Variants in NGB observed in about 807,000 individuals in gnomAD.
NGB encodes the protein nitrite reductase.
Under a neutral mutation model 17.3 loss-of-function variants are expected in NGB, and 12 were observed. The observed-to-expected ratio is 0.69, with a 90% confidence interval of 0.45 to 1.13. NGB has a LOEUF of 1.13. Among genes scored for constraint, NGB ranks in the 50% most tolerant of loss-of-function variants. NGB has a pLI of 0.00. For missense variants in NGB, 195 were observed against 191.7 expected (o/e 1.02, Z -0.10); for synonymous variants, 87 against 81.0 (o/e 1.07, Z -0.40).
intron 3 of NGB, 52 bp from the exon 4 acceptor site, chr14:77,266,722 C>T: frequency 6.3e-7 from 1 of 1,595,588 alleles, no homozygotes; most frequent in East Asian, 2.2e-5. Flanking sequence ...AGGCACTGCT[C>T]CATTCCACAG....
intron 3 of NGB, among the ~76,000 whole-genome samples, chr14:77,267,265 G>A (rs1889686155): frequency 6.6e-6 from 1 of 152,216 alleles, no homozygotes; most frequent in East Asian, 1.9e-4. Context: ...AATAGGCCAG[G>A]TGCAGTAGCT....
At position 77,268,461 on chromosome 14, in the gene NGB, C is replaced by T. The variant is rs1889703046; in HGVS notation, c.321+5G>A. 1 of 1,610,320 alleles carries T rather than the reference C, an allele frequency of 6.2e-7. No homozygotes were observed. Among genetic ancestry groups the T allele is most frequent in the Non-Finnish European group, 8.5e-7 (1 of 1,179,668 alleles). On this transcript the variant is annotated splice_donor_5th_base_variant and intron_variant, in intron 3 of 3. Transcript: ENST00000298352. ...TCTGGAGAGAGTCAGAGCTCCTTTA[C>T]CCACCGAGAAGGAGCTGAGCTTCAC...
chr14:77,270,875 C>T lies in NGB; in HGVS notation c.63G>A (p.Leu21=), dbSNP rs886695630. Residue 21 remains leucine (L), a synonymous_variant, in exon 1 of 4, where the codon CTG becomes CTA. Transcript: ENST00000298352. ...TGGCAAACAGGACGGTGCCGTGCTC[C>T]AGCGGGCTGCGGCTCACTGCCCGCC... The part of the protein sequence containing the change: ...QSWRAVSRSP[L]EHGTVLFARL... The T allele has an allele frequency of 1.3e-6, 2 of 1,586,014 alleles. No individual in the cohort carries two copies. Among genetic ancestry groups the T allele is most frequent in the Admixed American group, 1.7e-5 (1 of 59,184 alleles).
chr14:77,269,472 C>T lies in NGB; in HGVS notation c.90-146G>A, dbSNP rs2140143396. ...GCTGACTCTCCCACCTGGCACTGCTCCCCCGCCAGCTTCGGTAGTGCCCTC... is the reference window on the plus strand; with the variant it reads ...GCTGACTCTCCCACCTGGCACTGCTTCCCCGCCAGCTTCGGTAGTGCCCTC... On this transcript the variant is annotated intron_variant, in intron 1 of 3. Transcript: ENST00000298352. 5.1e-6 allele frequency: 3 copies of T among 593,232 alleles called. 1 individual carries two copies. Among genetic ancestry groups the T allele is most frequent in the South Asian group, 3.7e-5 (2 of 53,708 alleles). 36.7% of individuals were successfully genotyped at this position (593,232 alleles called of 1,614,324 possible). A position where few individuals can be genotyped will look rare whatever the true frequency, so the allele number is the denominator to read the frequency against.
intron 1 of NGB, among the ~76,000 whole-genome samples, chr14:77,270,046 G>C (rs1168998801): frequency 6.6e-6 from 1 of 151,896 alleles, no homozygotes; most frequent in Non-Finnish European, 1.5e-5. Flanking sequence ...GCCCTCCTCG[G>C]CATTTGGGAG....
At chr14:77,266,926 G>A (rs982397700) in intron 3 of NGB, among the ~76,000 whole-genome samples, 1 of 152,214 alleles carries the variant, frequency 6.6e-6, no homozygotes, top group Non-Finnish European at 1.5e-5. Context: ...CACCCCATGA[G>A]TGGGGCCAAG....
At chr14:77,266,775 T>C (rs200991939) in intron 3 of NGB, 105 bp from the exon 4 acceptor site, 3 of 773,854 alleles carry the variant, frequency 3.9e-6, no homozygotes, top group Admixed American at 5.9e-5. Context: ...CTCCTGGGCC[T>C]TTTTTCCTCT....
chr14:77,271,037 C>A lies in NGB; in HGVS notation c.-100G>T. 1.2e-5 allele frequency: 10 copies of A among 840,322 alleles called. No individual in the cohort carries two copies. Among genetic ancestry groups the A allele is most frequent in the Non-Finnish European group, 1.7e-5 (10 of 579,568 alleles). The allele number at this position is 840,322 out of a possible 1,614,324, so 52.1% of individuals were successfully genotyped here. On this transcript the variant is annotated 5_prime_UTR_variant, in exon 1 of 4. Coordinates refer to ENST00000298352, the MANE Select transcript of NGB (RefSeq NM_021257.4). ...CTCCTCCGCGACGCGGTCCCCTCCG[C>A]CCCTCGTACGCCCCCCGTGCCTCCG...
chr14:77,269,883 T>TGGGTA (rs1889743200), intron 1 of NGB, among the ~76,000 whole-genome samples: 1 of 127,646 alleles, frequency 7.8e-6, no homozygotes, highest in South Asian at 2.8e-4. Flanking sequence ...TCCTAAGCAG[T>TGGGTA]GGGTACAACT....
In NGB at chr14:77,269,102, G is replaced by A. The variant is rs550521915; in HGVS notation, c.201+113C>T. 3.9e-4 allele frequency: 265 copies of A among 679,732 alleles called. 1 individual carries two copies. The Middle Eastern group carries it at 6.2e-3, about 16-fold the overall frequency. The allele number at this position is 679,732 out of a possible 1,614,324, so 42.1% of individuals were successfully genotyped here. A position where few individuals can be genotyped will look rare whatever the true frequency, so the allele number is the denominator to read the frequency against. The stretch of plus-strand genomic sequence containing the variant: ...GAAAGGAGCTGTACCCTGCTTGGGG[G>A]AACTGGAAGGGAGTAAGACTAGACC... On this transcript the variant is annotated intron_variant, in intron 2 of 3. Transcript: ENST00000298352.
Position 77,266,380 on chromosome 14 carries a change from C to G in NGB, c.*156G>C, listed in dbSNP as rs2140141729. On this transcript the variant is annotated 3_prime_UTR_variant, in exon 4 of 4. Coordinates refer to ENST00000298352, the MANE Select transcript of NGB (RefSeq NM_021257.4). Reference sequence around the variant, plus strand: ...AAGCCACTCCTTCTGCAGCTGGACTCTAGGATACTGAGACCCAGCCCTGCC... The same window carrying G: ...AAGCCACTCCTTCTGCAGCTGGACTGTAGGATACTGAGACCCAGCCCTGCC... 1 of 1,036,708 alleles carries G rather than the reference C, an allele frequency of 9.6e-7. No homozygotes were observed. The highest frequency in any genetic ancestry group is 1.6e-5 in the African/African-American group (1 of 64,004). 64.2% of individuals were successfully genotyped at this position (1,036,708 alleles called of 1,614,324 possible).
rs1363274966 is a variant in NGB, at chr14:77,266,459, T to G, written c.*77A>C. On this transcript the variant is annotated 3_prime_UTR_variant, in exon 4 of 4. Transcript: ENST00000298352. The stretch of plus-strand genomic sequence containing the variant: ...ACAAGGACCAAGATGCAGGGAAGCT[T>G]GGGGAGCCTGGGCTACAACAGATAC... The G allele has an allele frequency of 1.9e-6, 3 of 1,565,160 alleles. No homozygotes were observed. In the East Asian group the frequency reaches 6.8e-5, roughly 35 times the overall value.
Position 77,266,357 on chromosome 14 carries a change from G to A in NGB, c.*179C>T. ...CCAGAAGCCCCTTCCTGGAGGAAAA[G>A]CCACTCCTTCTGCAGCTGGACTCTA... On this transcript the variant is annotated 3_prime_UTR_variant, in exon 4 of 4. Coordinates refer to ENST00000298352, the MANE Select transcript of NGB (RefSeq NM_021257.4). 1.1e-6 allele frequency: 1 copy of A among 880,378 alleles called. No individual in the cohort carries two copies. The highest frequency in any genetic ancestry group is 2.0e-6 in the Non-Finnish European group (1 of 511,772). The allele number at this position is 880,378 out of a possible 1,614,324, so 54.5% of individuals were successfully genotyped here.
chr14:77,266,300 C>T lies in NGB; in HGVS notation c.*236G>A. 1 of 761,946 alleles carries T rather than the reference C, an allele frequency of 1.3e-6. No individual in the cohort carries two copies. The highest frequency in any genetic ancestry group is 2.5e-6 in the Non-Finnish European group (1 of 407,458). The allele number at this position is 761,946 out of a possible 1,614,324, so 47.2% of individuals were successfully genotyped here. On this transcript the variant is annotated 3_prime_UTR_variant, in exon 4 of 4. Transcript: ENST00000298352. ...GTGCCAAAAAAGGTAAAAAGAAACG[C>T]AAGAAAGAGGCTACTGGGGATGAGG...
At chr14:77,270,793 C>A in intron 1 of NGB, 56 bp downstream of exon 1, 1 of 1,423,242 alleles carries the variant, frequency 7.0e-7, no homozygotes, top group Non-Finnish European at 9.6e-7. Flanking sequence ...CCGCGTGACC[C>A]CTTTCCCGCC....
At chr14:77,270,490 A>T (rs975931857) in intron 1 of NGB, among the ~76,000 whole-genome samples, 1 of 152,174 alleles carries the variant, frequency 6.6e-6, no homozygotes, top group African/African-American at 2.4e-5. Flanking sequence ...GCACCCCTGC[A>T]GTCGCTACCT....
Position 77,266,327 on chromosome 14 carries a change from G to A in NGB, c.*209C>T, listed in dbSNP as rs1351158484. 4 of 791,492 alleles carry A rather than the reference G, an allele frequency of 5.1e-6. No homozygotes were observed. Among genetic ancestry groups the A allele is most frequent in the Non-Finnish European group, 7.0e-6 (3 of 430,470 alleles). 49.0% of individuals were successfully genotyped at this position (791,492 alleles called of 1,614,324 possible). A position where few individuals can be genotyped will look rare whatever the true frequency, so the allele number is the denominator to read the frequency against. On this transcript the variant is annotated 3_prime_UTR_variant, in exon 4 of 4. Coordinates refer to ENST00000298352, the MANE Select transcript of NGB (RefSeq NM_021257.4). ...AGAAAGAGGCTACTGGGGATGAGGGGACACCCAGAAGCCCCTTCCTGGAGG... is the reference window on the plus strand; with the variant it reads ...AGAAAGAGGCTACTGGGGATGAGGGAACACCCAGAAGCCCCTTCCTGGAGG...
Position 77,266,543 on chromosome 14 carries a change from C to T in NGB, c.449G>A (p.Gly150Asp). Residue 150 changes from glycine to aspartate, a missense_variant, in exon 4 of 4, where the codon GGC (glycine) becomes GAC (aspartate). Physicochemically the swap from Gly to Asp is moderately conservative, Grantham distance 94. Coordinates refer to ENST00000298352, the MANE Select transcript of NGB (RefSeq NM_021257.4). ...VVQAMSRGWD[G>D]E Reference sequence around the variant, plus strand: ...GCCGGGCGGGGTCGCCTCTTACTCGCCATCCCAGCCTCGACTCATGGCCTG... The same window carrying T: ...GCCGGGCGGGGTCGCCTCTTACTCGTCATCCCAGCCTCGACTCATGGCCTG... 1 of 1,612,358 alleles carries T rather than the reference C, an allele frequency of 6.2e-7. No homozygotes were observed. Among genetic ancestry groups the T allele is most frequent in the Non-Finnish European group, 8.5e-7 (1 of 1,179,076 alleles).
Position 77,269,282 on chromosome 14 carries a change from T to C in NGB, c.134A>G (p.Asn45Ser), listed in dbSNP as rs199645154. 4 of 1,551,662 alleles carry C rather than the reference T, an allele frequency of 2.6e-6. No homozygotes were observed. The highest frequency in any genetic ancestry group is 2.6e-6 in the Non-Finnish European group (3 of 1,146,904). ...CTCTGGGCTGGAGAACTGGCGGCAGTTGTACTGGAAGAGGGGCAGCAGGTC... is the reference window on the plus strand; with the variant it reads ...CTCTGGGCTGGAGAACTGGCGGCAGCTGTACTGGAAGAGGGGCAGCAGGTC... ...EPDLLPLFQYNCRQFSSPEDC... is the reference protein window; with the variant it reads ...EPDLLPLFQYSCRQFSSPEDC... Residue 45 changes from asparagine to serine, a missense_variant, in exon 2 of 4, where the codon AAC becomes AGC. Transcript: ENST00000298352.
Sources: allele counts gnomAD v4.1 joint callset (sites outside exome capture counted in the v4.1 genomes callset), GRCh38; gene constraint gnomAD v4.1.1; transcripts MANE v1.5; gene names NCBI Gene and HGNC (gene_info 2026-07-23, HGNC 2026-07-21).